ADAMTS16: variants seen among roughly 807,000 people sequenced by gnomAD.
ADAMTS16 encodes the protein ADAM metallopeptidase with thrombospondin type 1 motif 16, also known as A disintegrin and metalloproteinase with thrombospondin motifs 16.
In ADAMTS16, 94 loss-of-function variants were observed where a neutral mutation model predicts 145.8. The ratio of observed to expected loss-of-function variants is 0.64; its 90% CI spans 0.55 to 0.77. The LOEUF (loss-of-function observed/expected upper bound fraction) is 0.77, where lower values mean the gene tolerates loss of function less well. ADAMTS16 is among the 30% of genes least tolerant of loss of function. The pLI is 0.00. For missense variants in ADAMTS16, 1,585 were observed against 1,591.5 expected (o/e 1.00, Z 0.07); for synonymous variants, 659 against 604.3 (o/e 1.09, Z -1.33).
chr5:5,290,460 G>C (rs1739264462), intron 18 of ADAMTS16, among the ~76,000 whole-genome samples: 1 of 152,120 alleles, frequency 6.6e-6, no homozygotes, highest in Non-Finnish European at 1.5e-5. Flanking sequence ...TTTGAGGCTA[G>C]CCTGACCAAC....
At chr5:5,220,089 A>G (rs1359684389) in intron 10 of ADAMTS16, among the ~76,000 whole-genome samples, 1 of 152,002 alleles carries the variant, frequency 6.6e-6, no homozygotes, top group African/African-American at 2.4e-5. Flanking sequence ...CCCAGAAAGC[A>G]TTTATTGAAA....
At chr5:5,284,396 T>C (rs1051224722) in intron 18 of ADAMTS16, among the ~76,000 whole-genome samples, 2 of 152,230 alleles carry the variant, frequency 1.3e-5, no homozygotes, top group Non-Finnish European at 2.9e-5. Flanking sequence ...TAGTAATGCA[T>C]GTAAATTCTG....
chr5:5,184,700 C>A (rs1735448617), intron 4 of ADAMTS16, among the ~76,000 whole-genome samples: 1 of 151,950 alleles, frequency 6.6e-6, no homozygotes, highest in African/African-American at 2.4e-5. Flanking sequence ...CAGCTGGGGC[C>A]TGTGTGTTCT....
intron 18 of ADAMTS16, among the ~76,000 whole-genome samples, chr5:5,285,442 C>T (rs1164790555): frequency 1.3e-5 from 2 of 152,196 alleles, no homozygotes; most frequent in African/African-American, 2.4e-5. Context: ...GGTGCAGCCC[C>T]GACTGCCTGT....
intron 18 of ADAMTS16, among the ~76,000 whole-genome samples, chr5:5,267,914 T>C (rs895051812): frequency 6.6e-6 from 1 of 152,138 alleles, no homozygotes; most frequent in Non-Finnish European, 1.5e-5. Context: ...TACATCCCAA[T>C]GGATGAGAAT....
chr5:5,164,316 G>A (rs1019063125), intron 3 of ADAMTS16, among the ~76,000 whole-genome samples: 2 of 152,204 alleles, frequency 1.3e-5, no homozygotes, highest in African/African-American at 4.8e-5. Context: ...GAGTGACGTT[G>A]CTGAAAGGGA....
In ADAMTS16 at chr5:5,243,260, G is replaced by A. The variant is rs1213070398; in HGVS notation, c.2662+1069G>A. On this transcript the variant is annotated intron_variant, in intron 17 of 22. Transcript: ENST00000274181. ...TAGTTAAATTATGGATGCTGGTAAA[G>A]CTAATGACTGAATGAAATACTGTCT... 2.6e-5 allele frequency among the ~76,000 whole-genome samples: 4 copies of A among 152,292 alleles called. No individual in the cohort carries two copies. In the East Asian group the frequency reaches 7.7e-4, roughly 29 times the overall value.
intron 9 of ADAMTS16, among the ~76,000 whole-genome samples, chr5:5,208,435 A>G (rs955696077): frequency 6.6e-6 from 1 of 152,260 alleles, no homozygotes; most frequent in Non-Finnish European, 1.5e-5. Context: ...ACCAAAGAAC[A>G]TCCTGGAAGA....
At chr5:5,165,862 A>G (rs1734862234) in intron 3 of ADAMTS16, among the ~76,000 whole-genome samples, 1 of 152,136 alleles carries the variant, frequency 6.6e-6, no homozygotes, top group African/African-American at 2.4e-5. Flanking sequence ...CTGATGAGAA[A>G]CACATGTGCG....
At chr5:5,288,327 T>C (rs1243533698) in intron 18 of ADAMTS16, among the ~76,000 whole-genome samples, 1 of 152,212 alleles carries the variant, frequency 6.6e-6, no homozygotes, top group Non-Finnish European at 1.5e-5. Context: ...GAACCTATGT[T>C]ACTCATGAAA....
intron 11 of ADAMTS16, among the ~76,000 whole-genome samples, chr5:5,231,009 G>A (rs536555865): frequency 2.0e-5 from 3 of 152,246 alleles, no homozygotes; most frequent in East Asian, 3.9e-4. Flanking sequence ...TTTTAAAAAG[G>A]GGGGAAAAGA....
intron 10 of ADAMTS16, among the ~76,000 whole-genome samples, chr5:5,211,913 A>G (rs1736279417): frequency 6.6e-6 from 1 of 152,178 alleles, no homozygotes; most frequent in Non-Finnish European, 1.5e-5. Flanking sequence ...AATATACTCT[A>G]CATGTACTTT....
At position 5,186,301 on chromosome 5, in the gene ADAMTS16, G is replaced by GGGGTATGT. The variant is rs368811446; in HGVS notation, c.963+51_963+52insGGTATGTG. On this transcript the variant is annotated intron_variant, in intron 5 of 22. Coordinates refer to ENST00000274181, the MANE Select transcript of ADAMTS16 (RefSeq NM_139056.4). The stretch of plus-strand genomic sequence containing the variant: ...CCACCTGTGTCATTGCACTTCGTAG[G>GGGGTATGT]GTGTGTGTGTGTGTGTGTGTGTGTG... 26 of 987,396 alleles carry GGGGTATGT rather than the reference G, an allele frequency of 2.6e-5. No homozygotes were observed. In the African/African-American group the frequency reaches 3.6e-4, roughly 14 times the overall value. 61.2% of individuals were successfully genotyped at this position (987,396 alleles called of 1,614,324 possible). A position where few individuals can be genotyped will look rare whatever the true frequency, so the allele number is the denominator to read the frequency against.
intron 18 of ADAMTS16, among the ~76,000 whole-genome samples, chr5:5,277,972 ACT>A (rs966794102): frequency 1.3e-5 from 2 of 151,930 alleles, no homozygotes; most frequent in African/African-American, 2.4e-5. Flanking sequence ...ACAGAACAAG[ACT>A]CTGTCTTAAA....
rs756264339 is a variant in ADAMTS16 at position 5,239,788 on chromosome 5, T to TACCTGAATGGGCACG, written c.2400_2401insGACCTGAATGGGCAC (p.His800_Trp801insAspLeuAsnGlyHis). The TACCTGAATGGGCACG allele has an allele frequency of 1.9e-6, 3 of 1,614,100 alleles. No individual in the cohort carries two copies. The highest frequency in any genetic ancestry group is 2.5e-6 in the Non-Finnish European group (3 of 1,180,052). Reference sequence around the variant, plus strand: ...TGTGCGCAATGCCCTCAGAAGGTACTACCTGAATGGGCACTGGACCGTGGA... The same window carrying TACCTGAATGGGCACG: ...TGTGCGCAATGCCCTCAGAAGGTACTACCTGAATGGGCACGACCTGAATGGGCACTGGACCGTGGA... On this transcript the variant is annotated inframe_insertion, in exon 16 of 23. Transcript: ENST00000274181.
chr5:5,305,468 CATCCCACACCACACACACACA>C lies in ADAMTS16; in HGVS notation c.3187-1016_3187-996del, dbSNP rs1266537118. Among the ~76,000 whole-genome samples, 8 of 112,016 alleles carry C rather than the reference CATCCCACACCACACACACACA, an allele frequency of 7.1e-5. 1 individual carries two copies. The South Asian group carries it at 1.1e-3, about 15-fold the overall frequency. 73.5% of individuals were successfully genotyped at this position (112,016 alleles called of 152,430 possible). A position where few individuals can be genotyped will look rare whatever the true frequency, so the allele number is the denominator to read the frequency against. On this transcript the variant is annotated intron_variant, in intron 20 of 22. Coordinates refer to ENST00000274181, the MANE Select transcript of ADAMTS16 (RefSeq NM_139056.4). ...CACACATCCACACCACACACACACA[CATCCCACACCACACACACACA>C]ATCCCACACCACACACACATCCCAT...
At chr5:5,152,254 G>GGCTT (rs1734489081) in intron 3 of ADAMTS16, among the ~76,000 whole-genome samples, 1 of 152,210 alleles carries the variant, frequency 6.6e-6, no homozygotes, top group Non-Finnish European at 1.5e-5. Context: ...CTGCTAGAAT[G>GGCTT]GCTTGCTTCT....
intron 17 of ADAMTS16, among the ~76,000 whole-genome samples, chr5:5,256,404 G>A (rs964510825): frequency 2.6e-5 from 4 of 152,156 alleles, no homozygotes; most frequent in African/African-American, 9.7e-5. Context: ...ACTGGCCAAG[G>A]CAAAACTTGC....
At chr5:5,252,469 G>A (rs1737658329) in intron 17 of ADAMTS16, among the ~76,000 whole-genome samples, 1 of 152,158 alleles carries the variant, frequency 6.6e-6, no homozygotes, top group Non-Finnish European at 1.5e-5. Context: ...TTTGAAAGGT[G>A]AGTGTAGACG....
Sources: gnomAD v4.1 joint callset for allele counts (sites outside exome capture counted in the v4.1 genomes callset) on GRCh38, gnomAD v4.1.1 for gene constraint, MANE v1.5 for transcripts, NCBI Gene and HGNC (gene_info 2026-07-23, HGNC 2026-07-21) for gene names.